The following KBTBD4 variants were observed in gnomAD, a reference collection of about 807,000 sequenced individuals.
KBTBD4 encodes the protein kelch repeat and BTB domain containing 4.
A neutral mutation model predicts 43.9 loss-of-function variants in KBTBD4; 30 were observed. The ratio of observed to expected loss-of-function variants is 0.68; its 90% confidence interval spans 0.51 to 0.93. The LOEUF is 0.93. Ranked by LOEUF, KBTBD4 falls within the 40% of genes least tolerant of loss-of-function variation. The pLI is 0.00. For missense variants in KBTBD4, 575 were observed against 668.8 expected, an observed-to-expected ratio of 0.86 and a Z score of 1.55; for synonymous variants, 258 against 256.9, an observed-to-expected ratio of 1.00 and a Z score of -0.04.
rs2097251298 is a variant in KBTBD4 at position 47,572,684 on chromosome 11, T to C, written c.*246A>G. On this transcript the variant is annotated 3_prime_UTR_variant, in exon 4 of 4. Transcript: ENST00000430070. ...AAGGCTTGCTCTAAGCAAGCTGTGG[T>C]GAGGCACAGGATGACTAGGGAATGG... is the stretch of plus-strand genomic sequence containing the variant. The C allele has an allele frequency of 3.7e-6, 2 of 536,170 alleles. No homozygotes were observed. The highest frequency in any genetic ancestry group is 3.3e-6 in the Non-Finnish European group (1 of 301,978). 33.2% of individuals were successfully genotyped at this position (536,170 alleles called of 1,614,324 possible).
At chr11:47,578,652 G>A (rs1437141060) in intron 1 of KBTBD4, 1 of 837,058 alleles carries the variant, frequency 1.2e-6, no homozygotes, top group Non-Finnish European at 1.9e-6. Flanking sequence ...GGCACTGGGA[G>A]GCCCATCACC....
In KBTBD4 at chr11:47,573,170, G is replaced by A; in HGVS notation, c.1365C>T (p.Asp455=). ...GCAAGGGATTGTAGCACACCAGGGA[G>A]TCCCCTTCAGCCACGATGAACACCA... ...KDLVFIVAEG[D]SLVCYNPLLD... is the part of the protein sequence containing the mutation. The change falls in exon 4 of 4, where the codon GAC becomes GAT. Residue 455 remains aspartate (D), a synonymous_variant. Transcript: ENST00000430070. The surrounding 1 kb of genome is among the most constrained non-coding windows in gnomAD (Gnocchi z 4.1). The A allele has an allele frequency of 6.2e-7, 1 of 1,614,210 alleles. No individual in the cohort carries two copies. Among genetic ancestry groups the A allele is most frequent in the Non-Finnish European group, 8.5e-7 (1 of 1,180,042 alleles).
rs754415608 is a variant in KBTBD4 at position 47,573,790 on chromosome 11, C to G, written c.745G>C (p.Glu249Gln). Reference protein sequence around the residue: ...FAESLRTSLKEIGENVHIYLI... With the variant: ...FAESLRTSLKQIGENVHIYLI... Reference sequence around the variant, plus strand: ...TAAATGTGCACATTCTCCCCAATTTCCTATTGGCAAAATTAAAATTATATG... The same window carrying G: ...TAAATGTGCACATTCTCCCCAATTTGCTATTGGCAAAATTAAAATTATATG... Residue 249 changes from glutamate (E) to glutamine (Q), a missense_variant and splice_region_variant, in exon 4 of 4, where the codon GAA (glutamate) becomes CAA (glutamine). Physicochemically the swap from Glu to Gln is conservative, Grantham distance 29. Transcript: ENST00000430070. The surrounding 1 kb of genome is among the most constrained non-coding windows in gnomAD (Gnocchi z 4.1). The G allele has an allele frequency of 6.4e-7, 1 of 1,566,652 alleles. No homozygotes were observed. The highest frequency in any genetic ancestry group is 2.3e-5 in the East Asian group (1 of 44,186).
Position 47,578,045 on chromosome 11 carries a change from T to A in KBTBD4, c.20-17A>T. 1 of 1,613,424 alleles carries A rather than the reference T, an allele frequency of 6.2e-7. No homozygotes were observed. Among genetic ancestry groups the A allele is most frequent in the African/African-American group, 1.3e-5 (1 of 75,028 alleles). On this transcript the variant is annotated splice_polypyrimidine_tract_variant and intron_variant, in intron 1 of 3. Transcript: ENST00000430070. ...GCCAGCTGTCTGCAAAGCAACACCA[T>A]CTTGAGTAACCTGAGGAATTCACAG... is the stretch of plus-strand genomic sequence containing the variant.
At chr11:47,577,035 G>A (rs556548106) in intron 2 of KBTBD4, among the ~76,000 whole-genome samples, 3 of 152,188 alleles carry the variant, frequency 2.0e-5, no homozygotes, top group Admixed American at 1.3e-4. Context: ...GTTTCCTAAC[G>A]TTGGCCCATC....
chr11:47,573,340 G>C lies in KBTBD4; in HGVS notation c.1195C>G (p.Leu399Val), dbSNP rs202025464. 1 of 1,614,202 alleles carries C rather than the reference G, an allele frequency of 6.2e-7. No individual in the cohort carries two copies. The highest frequency in any genetic ancestry group is 1.7e-5 in the Admixed American group (1 of 60,024). ...TCCAGATCATTCTCCTCCCCCCCTA[G>C]TAAGTAGATGATCCCGTTGAGGTTG... ...GANLNGIIYL[L>V]GGEENDLDFF... The change falls in exon 4 of 4, where the codon CTA (leucine) becomes GTA (valine). Residue 399 changes from leucine (L) to valine (V), a missense_variant. Leu to Val is a conservative substitution (Grantham distance 32, BLOSUM62 1). Coordinates refer to ENST00000430070, the MANE Select transcript of KBTBD4 (RefSeq NM_018095.6). The surrounding 1 kb of genome is among the most constrained non-coding windows in gnomAD (Gnocchi z 4.1).
chr11:47,578,646 C>A, intron 1 of KBTBD4: 11 of 822,108 alleles, frequency 1.3e-5, no homozygotes, highest in Non-Finnish European at 2.2e-5. Context: ...GGCCGGGGCA[C>A]TGGGAGGCCC....
In KBTBD4 at chr11:47,575,166, C is replaced by T. The variant is rs550313159; in HGVS notation, c.744+427G>A. On this transcript the variant is annotated intron_variant, in intron 3 of 3. Transcript: ENST00000430070. Reference sequence around the variant, plus strand: ...TGGAGGTTGCAGCGAGCTGAGATTGCACCACTGCATTCCAGCCTGGGCAAC... The same window carrying T: ...TGGAGGTTGCAGCGAGCTGAGATTGTACCACTGCATTCCAGCCTGGGCAAC... Among the ~76,000 whole-genome samples, 4 of 149,374 alleles carry T rather than the reference C, an allele frequency of 2.7e-5. No individual in the cohort carries two copies. In the East Asian group the frequency reaches 7.9e-4, roughly 29 times the overall value.
At chr11:47,576,150 G>A (rs568976507) in intron 2 of KBTBD4, among the ~76,000 whole-genome samples, 33 of 133,684 alleles carry the variant, frequency 2.5e-4, no homozygotes, top group African/African-American at 8.5e-4. Context: ...CATGCCTGGC[G>A]GGTCTTGCTT....
chr11:47,575,895 CGCTCAGGCAGAAGTG>C (rs2097258423), intron 2 of KBTBD4, among the ~76,000 whole-genome samples, 196 bp from the exon 3 acceptor site: 1 of 141,248 alleles, frequency 7.1e-6, no homozygotes, highest in Non-Finnish European at 1.5e-5. Context: ...CTCACCCTGT[CGCTCAGGCAGAAGTG>C]CAATGGCGCA....
intron 1 of KBTBD4, chr11:47,578,713 G>A (rs1598801192): frequency 7.4e-7 from 1 of 1,358,390 alleles, no homozygotes; most frequent in Non-Finnish European, 1.0e-6. Flanking sequence ...CGGTCGCCAG[G>A]GAAACCGTTC....
chr11:47,575,575 T>G lies in KBTBD4; in HGVS notation c.744+18A>C, dbSNP rs775804217. ...CATGGAGAGTATGCAGTCTCAACAA[T>G]TAAGAGATTTGCCTTACCTTCAAGC... On this transcript the variant is annotated intron_variant, in intron 3 of 3. Transcript: ENST00000430070. The G allele has an allele frequency of 6.6e-6, 10 of 1,512,406 alleles. No individual in the cohort carries two copies. Among genetic ancestry groups the G allele is most frequent in the Non-Finnish European group, 8.3e-6 (9 of 1,088,690 alleles). The allele number at this position is 1,512,406 out of a possible 1,614,324, so 93.7% of individuals were successfully genotyped here. A position where few individuals can be genotyped will look rare whatever the true frequency, so the allele number is the denominator to read the frequency against.
intron 3 of KBTBD4, among the ~76,000 whole-genome samples, chr11:47,574,429 G>A (rs1049668965): frequency 1.3e-5 from 2 of 151,856 alleles, no homozygotes; most frequent in African/African-American, 4.8e-5. Flanking sequence ...TTTGAGAGGC[G>A]GAGGTTGCAG....
At chr11:47,575,751 C>T (rs752287350) in intron 2 of KBTBD4, 52 bp from the exon 3 acceptor site, 3 of 1,220,382 alleles carry the variant, frequency 2.5e-6, no homozygotes, top group Non-Finnish European at 3.6e-6. Context: ...AAGAGAAATT[C>T]AGAGTAAGGG....
At chr11:47,578,158 C>T in intron 1 of KBTBD4, 130 bp from the exon 2 acceptor site, 2 of 998,576 alleles carry the variant, frequency 2.0e-6, no homozygotes, top group Non-Finnish European at 2.9e-6. Context: ...TTAGTCCTGG[C>T]CCTGTCCATG....
At position 47,577,270 on chromosome 11, in the gene KBTBD4, C is replaced by T. The variant is rs2097261429; in HGVS notation, c.637+141G>A. ...TGAATCTCACCTCAATCTTTCTCAG[C>T]AGGTTATCTCAGTAAGAATGCAGGA... On this transcript the variant is annotated intron_variant, in intron 2 of 3. Transcript: ENST00000430070. 7.3e-6 allele frequency: 6 copies of T among 817,006 alleles called. No individual in the cohort carries two copies. In the East Asian group the frequency reaches 1.1e-4, roughly 15 times the overall value. The allele number at this position is 817,006 out of a possible 1,614,324, so 50.6% of individuals were successfully genotyped here.
rs1255682966 is a variant in KBTBD4 at position 47,577,877 on chromosome 11, C to T, written c.171G>A (p.Glu57=). ...AAATGGTGACATCAGCAAAGAGCTCCTCCTCTAGACACAGTTTCATGATGC... is the reference window on the plus strand; with the variant it reads ...AAATGGTGACATCAGCAAAGAGCTCTTCCTCTAGACACAGTTTCATGATGC... The part of the protein sequence containing the change: ...AQGIMKLCLE[E]ELFADVTISV... Residue 57 remains glutamate, a synonymous_variant, in exon 2 of 4, where the codon GAG becomes GAA. Transcript: ENST00000430070. The T allele has an allele frequency of 6.2e-7, 1 of 1,614,222 alleles. No homozygotes were observed. The highest frequency in any genetic ancestry group is 1.7e-5 in the Admixed American group (1 of 60,024).
chr11:47,575,497 A>ACT, intron 3 of KBTBD4, 96 bp downstream of exon 3: 1 of 773,744 alleles, frequency 1.3e-6, no homozygotes, highest in Non-Finnish European at 2.2e-6. Flanking sequence ...ACAGAGCAAG[A>ACT]CTCCATCTCA....
intron 2 of KBTBD4, among the ~76,000 whole-genome samples, chr11:47,576,010 G>A (rs757053034): frequency 5.9e-5 from 9 of 151,586 alleles, no homozygotes; most frequent in Non-Finnish European, 1.2e-4. Flanking sequence ...GCACCACCAC[G>A]CCTGGCTAAT....
Sources: gnomAD v4.1 joint callset for allele counts (sites outside exome capture counted in the v4.1 genomes callset) on GRCh38, gnomAD v4.1.1 for gene constraint, Gnocchi (gnomAD v3.1) non-coding constraint, MANE v1.5 for transcripts, NCBI Gene and HGNC (gene_info 2026-07-23, HGNC 2026-07-21) for gene names.